Variants in LARGE1 observed in about 807,000 individuals in gnomAD.
LARGE1 encodes the protein xylosyl- and glucuronyltransferase LARGE1.
Under a neutral mutation model 87.6 loss-of-function variants are expected in LARGE1, and 43 were observed. The observed-to-expected ratio is 0.49, with a 90% confidence interval of 0.38 to 0.63. LARGE1 has a LOEUF of 0.63. LARGE1 is among the 30% of genes least tolerant of loss of function. LARGE1 has a pLI of 0.00. For missense variants in LARGE1, 802 were observed against 1,000.2 expected, an observed-to-expected ratio of 0.80 and a Z score of 2.67; for synonymous variants, 434 against 394.6, an observed-to-expected ratio of 1.10 and a Z score of -1.18.
upstream of LARGE1, among the ~76,000 whole-genome samples, chr22:33,920,702 G>A (rs1367338796): frequency 8.9e-5 from 13 of 145,542 alleles, no homozygotes; most frequent in Admixed American, 8.8e-4. Flanking sequence ...CGCGGTGGGT[G>A]CGGGGAGCCG....
At chr22:33,855,178 C>T (rs950638453) in intron 1 of LARGE1, among the ~76,000 whole-genome samples, 28 of 151,968 alleles carry the variant, frequency 1.8e-4, no homozygotes, top group African/African-American at 6.8e-4. Flanking sequence ...ACTAAAAATA[C>T]AAAAAAATTA....
chr22:33,179,504 A>G (rs1035983956), intron 11 of LARGE1, among the ~76,000 whole-genome samples: 1 of 152,178 alleles, frequency 6.6e-6, no homozygotes, highest in East Asian at 1.9e-4. Context: ...TGTGAGGCCA[A>G]TTTCATGACA....
chr22:33,082,282 ATCTACATGTTCTTCC>A, the LARGE1 span, among the ~76,000 whole-genome samples: 1 of 152,316 alleles, frequency 6.6e-6, no homozygotes, highest in East Asian at 1.9e-4. Context: ...CTTCAATTCT[ATCTACATGTTCTTCC>A]TCTGTGCAGA....
intron 2 of LARGE1, among the ~76,000 whole-genome samples, chr22:33,736,984 C>T (rs865994891): frequency 7.9e-5 from 12 of 152,214 alleles, no homozygotes; most frequent in Middle Eastern, 6.8e-3. Flanking sequence ...CTCTGGCTTC[C>T]CACAAAAGAT....
chr22:33,801,885 CA>C (rs1450353292), intron 1 of LARGE1, among the ~76,000 whole-genome samples: 1 of 143,522 alleles, frequency 7.0e-6, no homozygotes, highest in Non-Finnish European at 1.6e-5. Flanking sequence ...TAAGTTGTAT[CA>C]AAAGAGTAAA....
intron 1 of LARGE1, among the ~76,000 whole-genome samples, chr22:33,869,946 G>A (rs1775346456): frequency 6.6e-6 from 1 of 152,232 alleles, no homozygotes; most frequent in Admixed American, 6.5e-5. Context: ...AATACTTCAT[G>A]TGGAGTCTCG....
chr22:33,309,885 C>A (rs1602349839), intron 11 of LARGE1, among the ~76,000 whole-genome samples: 1 of 152,260 alleles, frequency 6.6e-6, no homozygotes, highest in East Asian at 1.9e-4. Context: ...GCCTTGAAGA[C>A]CACAGCAGGC....
chr22:33,098,091 G>A, the LARGE1 span, among the ~76,000 whole-genome samples: 1 of 152,144 alleles, frequency 6.6e-6, no homozygotes, highest in African/African-American at 2.4e-5. Context: ...AAGATCTCTT[G>A]AGCTCAGAAG....
At chr22:33,580,270 T>A (rs2078477722) in intron 5 of LARGE1, among the ~76,000 whole-genome samples, 1 of 151,852 alleles carries the variant, frequency 6.6e-6, no homozygotes, top group Admixed American at 6.6e-5. Context: ...CTTGGGAGGC[T>A]GAGGCAGGAG....
chr22:33,407,999 G>C (rs904469526), intron 7 of LARGE1, among the ~76,000 whole-genome samples: 1 of 100,528 alleles, frequency 9.9e-6, no homozygotes, highest in Non-Finnish European at 2.1e-5. Flanking sequence ...TTTTTTTTTT[G>C]AGACGGAGTC....
chr22:33,904,892 A>T (rs2065395312), intron 1 of LARGE1, among the ~76,000 whole-genome samples: 1 of 152,144 alleles, frequency 6.6e-6, no homozygotes, highest in South Asian at 2.1e-4. Context: ...CTTAATCAGG[A>T]GGGCAATGTA....
intron 6 of LARGE1, among the ~76,000 whole-genome samples, chr22:33,529,809 G>A (rs570130308): frequency 8.5e-5 from 13 of 152,240 alleles, no homozygotes; most frequent in Middle Eastern, 3.4e-3. Context: ...GTGTGTTCTC[G>A]GAAGATTATT....
intron 2 of LARGE1, among the ~76,000 whole-genome samples, chr22:33,748,210 C>T (rs781655373): frequency 2.0e-5 from 3 of 150,140 alleles, no homozygotes; most frequent in Non-Finnish European, 4.4e-5. Context: ...CGGCTCACTG[C>T]AATCTCCACC....
intron 2 of LARGE1, among the ~76,000 whole-genome samples, chr22:33,754,340 CT>C (rs112432978): frequency 0.14 from 20,169 of 143,556 alleles, 2,227 homozygotes; most frequent in African/African-American, 0.33. Context: ...TGAAAAAGTT[CT>C]TTTTTTTTTT....
At chr22:33,323,259 G>C (rs942296540) in intron 10 of LARGE1, among the ~76,000 whole-genome samples, 5 of 152,256 alleles carry the variant, frequency 3.3e-5, no homozygotes, top group African/African-American at 1.2e-4. Flanking sequence ...GAACTTGCAT[G>C]TTCATTTCTC....
intron 3 of LARGE1, among the ~76,000 whole-genome samples, chr22:33,638,291 T>C (rs548216238): frequency 6.6e-6 from 1 of 152,370 alleles, no homozygotes; most frequent in Admixed American, 6.5e-5. Flanking sequence ...TATAAACATG[T>C]TGCCTCCAGC....
intron 1 of LARGE1, among the ~76,000 whole-genome samples, chr22:33,814,213 CTCAAA>C (rs1222792353): frequency 1.3e-5 from 2 of 152,190 alleles, no homozygotes; most frequent in Non-Finnish European, 2.9e-5. Flanking sequence ...GCCTCTATCA[CTCAAA>C]TCATTCTCTT....
At position 33,238,966 on chromosome 22, in the gene LARGE1, ATAAAAG is replaced by A. The variant is rs1329659560; in HGVS notation, c.1730+65257_1730+65262del. ...CAAAAGGAATAGAATGGAAGCAATAATAAAAGTAAGAGTCAAAATTAATAAAATAGA... is the reference window on the plus strand; with the variant it reads ...CAAAAGGAATAGAATGGAAGCAATAATAAGAGTCAAAATTAATAAAATAGA... On this transcript the variant is annotated intron_variant, in intron 11 of 11. Transcript: ENST00000608642. Among the ~76,000 whole-genome samples the A allele has an allele frequency of 5.3e-5, 8 of 152,180 alleles. No individual in the cohort carries two copies. The East Asian group carries it at 7.7e-4, about 15-fold the overall frequency.
At chr22:33,256,776 T>G (rs770203265) in intron 11 of LARGE1, among the ~76,000 whole-genome samples, 3 of 152,208 alleles carry the variant, frequency 2.0e-5, no homozygotes, top group Non-Finnish European at 4.4e-5. Context: ...CTTCATTTTG[T>G]TCATATATTC....
Sources: allele counts gnomAD v4.1 joint callset (sites outside exome capture counted in the v4.1 genomes callset), GRCh38; gene constraint gnomAD v4.1.1; transcripts MANE v1.5; gene names NCBI Gene and HGNC (gene_info 2026-07-23, HGNC 2026-07-21).